The following GSE1 variants were observed in gnomAD, a reference collection of about 807,000 sequenced individuals.
The protein encoded by GSE1 is Gse1 coiled-coil protein.
In GSE1, 32 loss-of-function variants were observed where a neutral mutation model predicts 112.6. The ratio of observed to expected loss-of-function variants is 0.28; its 90% CI spans 0.21 to 0.38. GSE1 has a LOEUF of 0.38. Among genes scored for constraint, GSE1 ranks in the 10% least tolerant of loss-of-function variants. The pLI, the probability that GSE1 is intolerant of heterozygous loss-of-function variation, is 1.00. For synonymous variants in GSE1, 1,115 were observed against 735.6 expected (o/e 1.52, Z -8.35); for missense variants, 2,348 against 1,699.2 (o/e 1.38, Z -6.71).
rs114589905 is a variant in GSE1, at chr16:85,575,406, G to A, written c.37+19043G>A. Among the ~76,000 whole-genome samples the A allele has an allele frequency of 3.8e-3, 579 of 152,266 alleles. 6 individuals are homozygous for A. The highest frequency in any genetic ancestry group is 0.013 in the African/African-American group (556 of 41,548). Reference sequence around the variant, plus strand: ...TTCATTGGAAGGAATTAAGGATGCCGTTAAAATACACACAGACCCCTCCTT... The same window carrying A: ...TTCATTGGAAGGAATTAAGGATGCCATTAAAATACACACAGACCCCTCCTT... On this transcript the variant is annotated intron_variant, in intron 1 of 2. Coordinates refer to the GSE1 transcript ENST00000635906.
intron 2 of GSE1, among the ~76,000 whole-genome samples, chr16:85,396,397 A>C (rs1374666775): frequency 6.6e-6 from 1 of 152,212 alleles, no homozygotes; most frequent in Non-Finnish European, 1.5e-5. Context: ...GATGTGCTGC[A>C]ATTGTAATGC....
chr16:85,327,633 A>G (rs572530697), intron 1 of GSE1, among the ~76,000 whole-genome samples: 1 of 152,288 alleles, frequency 6.6e-6, no homozygotes, highest in South Asian at 2.1e-4. Context: ...AAACAAAACT[A>G]GAAGGTTGTG....
chr16:85,590,401 TTG>T (rs569114653), intron 1 of GSE1, among the ~76,000 whole-genome samples: 71 of 146,624 alleles, frequency 4.8e-4, no homozygotes, highest in East Asian at 1.4e-3. Flanking sequence ...ATGTGTGACA[TTG>T]TGTGTGTGAA....
intron 1 of GSE1, among the ~76,000 whole-genome samples, chr16:85,210,788 G>C (rs57256594): frequency 6.6e-6 from 1 of 152,190 alleles, no homozygotes; most frequent in Non-Finnish European, 1.5e-5. Context: ...TGTTGTCACC[G>C]TGTCATCTTA....
intron 1 of GSE1, among the ~76,000 whole-genome samples, chr16:85,620,620 C>T (rs956000433): frequency 2.0e-5 from 3 of 152,248 alleles, no homozygotes; most frequent in African/African-American, 7.2e-5. Flanking sequence ...TTAGTCACCC[C>T]GTAACAGATA....
intron 1 of GSE1, among the ~76,000 whole-genome samples, chr16:85,331,763 G>C (rs1195160712): frequency 7.3e-6 from 1 of 137,158 alleles, no homozygotes; most frequent in Non-Finnish European, 1.5e-5. Context: ...GCCCAGGCTG[G>C]TCTCAAACTC....
chr16:85,573,111 G>A (rs1201747256), intron 1 of GSE1, among the ~76,000 whole-genome samples: 1 of 152,166 alleles, frequency 6.6e-6, no homozygotes, highest in Admixed American at 6.5e-5. Flanking sequence ...TGATCCGCCC[G>A]CCTCGGCCTC....
intron 1 of GSE1, among the ~76,000 whole-genome samples, chr16:85,572,115 A>G (rs529843830): frequency 8.5e-4 from 125 of 147,032 alleles, no homozygotes; most frequent in Non-Finnish European, 1.5e-3. Flanking sequence ...CACCACACAC[A>G]ACGCACACAC....
intron 1 of GSE1, among the ~76,000 whole-genome samples, chr16:85,197,608 C>T (rs2074952279): frequency 6.6e-6 from 1 of 152,164 alleles, no homozygotes; most frequent in East Asian, 1.9e-4. Flanking sequence ...GTCACAAGAG[C>T]GCTGGCCTCT....
At chr16:85,669,469 G>A (rs1400077075) in intron 14 of GSE1, among the ~76,000 whole-genome samples, 2 of 152,146 alleles carry the variant, frequency 1.3e-5, no homozygotes, top group African/African-American at 4.8e-5. Context: ...CGCCCATGTA[G>A]CCACAACCAG....
intron 1 of GSE1, among the ~76,000 whole-genome samples, chr16:85,268,239 A>AGTTG (rs371073148): frequency 6.6e-6 from 1 of 151,486 alleles, no homozygotes; most frequent in African/African-American, 2.4e-5. Context: ...GGTGTGGCAC[A>AGTTG]AGGGTTCTAT....
intron 1 of GSE1, among the ~76,000 whole-genome samples, chr16:85,239,132 A>G (rs1019851778): frequency 2.0e-5 from 3 of 152,082 alleles, no homozygotes; most frequent in Non-Finnish European, 4.4e-5. Context: ...AGGTTTCACC[A>G]TGTTGGCCAG....
chr16:85,358,245 G>A (rs886961521), intron 2 of GSE1, among the ~76,000 whole-genome samples: 4 of 152,212 alleles, frequency 2.6e-5, no homozygotes, highest in Admixed American at 6.5e-5. Context: ...GTTAATCGCC[G>A]TGTGTGGACC....
intron 2 of GSE1, among the ~76,000 whole-genome samples, chr16:85,441,681 GA>G (rs2049379296): frequency 6.6e-6 from 1 of 152,088 alleles, no homozygotes; most frequent in African/African-American, 2.4e-5. Context: ...CAAAACATAG[GA>G]CATTTGAGCT....
chr16:85,641,424 C>CA (rs2050438090), intron 2 of GSE1, among the ~76,000 whole-genome samples: 1 of 115,562 alleles, frequency 8.7e-6, no homozygotes. Flanking sequence ...CTGGCTGACG[C>CA]CCCCCCCCGC....
intron 2 of GSE1, among the ~76,000 whole-genome samples, chr16:85,443,097 A>G (rs1370000011): frequency 6.6e-6 from 1 of 152,206 alleles, no homozygotes; most frequent in Non-Finnish European, 1.5e-5. Flanking sequence ...GATTGATGAC[A>G]TCTGCGAAGA....
intron 6 of GSE1, among the ~76,000 whole-genome samples, chr16:85,656,136 G>A (rs572233507): frequency 5.9e-5 from 9 of 152,270 alleles, no homozygotes; most frequent in African/African-American, 2.2e-4. Flanking sequence ...AGGCCGAGGA[G>A]CTCTCGGGCG....
intron 2 of GSE1, among the ~76,000 whole-genome samples, chr16:85,474,176 T>TGGGCCAGGCC (rs1833029380): frequency 6.6e-6 from 1 of 152,008 alleles, no homozygotes; most frequent in South Asian, 2.1e-4. Context: ...CGAGAGGTGC[T>TGGGCCAGGCC]GGGCCAGGCC....
chr16:85,453,652 G>A (rs1289269567), intron 2 of GSE1, among the ~76,000 whole-genome samples: 1 of 152,116 alleles, frequency 6.6e-6, no homozygotes, highest in East Asian at 1.9e-4. Flanking sequence ...GGCAGTTCCT[G>A]TCCTGAAGTC....
Sources: gnomAD v4.1 joint callset for allele counts (sites outside exome capture counted in the v4.1 genomes callset) on GRCh38, gnomAD v4.1.1 for gene constraint, MANE v1.5 for transcripts, NCBI Gene and HGNC (gene_info 2026-07-23, HGNC 2026-07-21) for gene names.